TASOR2: variants seen among roughly 807,000 people sequenced by gnomAD.
The protein encoded by TASOR2 is protein TASOR 2.
Under a neutral mutation model 199.5 loss-of-function variants are expected in TASOR2, and 84 were observed. The ratio of observed to expected loss-of-function variants is 0.42; its 90% CI spans 0.35 to 0.50. The LOEUF is 0.50. Ranked by LOEUF, TASOR2 falls within the 20% of genes least tolerant of loss-of-function variation. The pLI is 0.02. For synonymous variants in TASOR2, 1,103 were observed against 1,046.6 expected (o/e 1.05, Z -1.04); for missense variants, 2,796 against 2,835.9 (o/e 0.99, Z 0.32).
At chr10:5,731,074 G>C in exon 11 of TASOR2, 1 of 1,614,042 alleles carries the variant, frequency 6.2e-7, no homozygotes, top group Non-Finnish European at 8.5e-7. Flanking sequence ...GCCCCACATG[G>C]TGCAGAGTAA....
intron 1 of TASOR2, chr10:5,709,646 G>A (rs772803519): frequency 8.1e-7 from 1 of 1,230,806 alleles, no homozygotes; most frequent in African/African-American, 1.6e-5. Context: ...ATCGAGACAG[G>A]GTCCCTATCA....
rs1835453443 is a variant in TASOR2, at chr10:5,735,565, ATAAATT to A, written c.1447+24_1447+29del. 1 of 1,609,824 alleles carries A rather than the reference ATAAATT, an allele frequency of 6.2e-7. No homozygotes were observed. Among genetic ancestry groups the A allele is most frequent in the African/African-American group, 1.3e-5 (1 of 74,516 alleles). Reference sequence around the variant, plus strand: ...CAACCTGGTAAGAAATACTCTTCCTATAAATTTAAACACCCCAATACAGATCTAACA... The same window carrying A: ...CAACCTGGTAAGAAATACTCTTCCTATAAACACCCCAATACAGATCTAACA... On this transcript the variant is annotated intron_variant, in intron 12 of 20. Transcript: ENST00000328090.
intron 10 of TASOR2, among the ~76,000 whole-genome samples, chr10:5,728,389 G>A (rs1382631020): frequency 2.0e-5 from 3 of 152,086 alleles, no homozygotes. Flanking sequence ...TGTAATCCCA[G>A]CACTTTGGGA....
chr10:5,701,422 G>C lies in TASOR2; in HGVS notation c.-287-11401G>C, dbSNP rs1837829983. 6.6e-6 allele frequency among the ~76,000 whole-genome samples: 1 copy of C among 152,122 alleles called. No homozygotes were observed. Among genetic ancestry groups the C allele is most frequent in the Non-Finnish European group, 1.5e-5 (1 of 68,000 alleles). On this transcript the variant is annotated intron_variant, in intron 1 of 20. Coordinates refer to ENST00000328090, the Ensembl canonical transcript of TASOR2. This position sits in a 1 kb window ranked among gnomAD's most constrained non-coding sequence, Gnocchi z 4.9. ...CCTCCAGCTTTGTTGTTTTTGCTTA[G>C]TATTGGTTTGGCTATTCAGGATCTT...
Position 5,687,762 on chromosome 10 carries a change from G to C in TASOR2, c.-288+2587G>C, listed in dbSNP as rs1332965396. On this transcript the variant is annotated intron_variant, in intron 1 of 20. Transcript: ENST00000328090. This position sits in a 1 kb window ranked among gnomAD's most constrained non-coding sequence, Gnocchi z 4.8. ...TTGAACCTGGGAGACAGGTTGCAGT[G>C]AGCCAAGGTTGTGTCACTCTACGGC... 6.6e-6 allele frequency among the ~76,000 whole-genome samples: 1 copy of C among 152,262 alleles called. No individual in the cohort carries two copies. The highest frequency in any genetic ancestry group is 1.5e-5 in the Non-Finnish European group (1 of 68,044).
In TASOR2 at chr10:5,747,197, TTATC is replaced by T; in HGVS notation, c.3777_3780del (p.Phe1259LeufsTer8). ...AATTTGGAAGCGTTTGATTCAGTAT[TTATC>T]AAACAAACAAGCCTGTCTGTGAGTA... On this transcript the variant is annotated frameshift_variant, in exon 15 of 21. Transcript: ENST00000328090. LOFTEE classifies it high-confidence loss of function. The T allele has an allele frequency of 6.2e-7, 1 of 1,614,048 alleles. No individual in the cohort carries two copies. Among genetic ancestry groups the T allele is most frequent in the Non-Finnish European group, 8.5e-7 (1 of 1,180,024 alleles).
At chr10:5,727,644 A>T (rs1451266702) in intron 10 of TASOR2, among the ~76,000 whole-genome samples, 1 of 152,126 alleles carries the variant, frequency 6.6e-6, no homozygotes, top group Non-Finnish European at 1.5e-5. Context: ...TGGGGGAAAA[A>T]TGACTCTAAG....
At chr10:5,753,098 C>T (rs1838306372) in intron 15 of TASOR2, among the ~76,000 whole-genome samples, 1 of 151,866 alleles carries the variant, frequency 6.6e-6, no homozygotes, top group South Asian at 2.1e-4. Flanking sequence ...TGTAAAAGAT[C>T]CTTTAAGAAA....
rs182453493 is a variant in TASOR2 at position 5,722,276 on chromosome 10, G to A, written c.146+1306G>A. On this transcript the variant is annotated intron_variant, in intron 6 of 20. Transcript: ENST00000328090. This position sits in a 1 kb window ranked among gnomAD's most constrained non-coding sequence, Gnocchi z 4.0. ...TTGAGACCAACCTGGGCAACATGGCGAAACCCTCTCCCTAATAAAAATACA... is the reference window on the plus strand; with the variant it reads ...TTGAGACCAACCTGGGCAACATGGCAAAACCCTCTCCCTAATAAAAATACA... 1.7e-3 allele frequency among the ~76,000 whole-genome samples: 254 copies of A among 152,132 alleles called. 6 individuals are homozygous for A. The highest frequency in any genetic ancestry group is 0.016 in the Admixed American group (251 of 15,284).
At chr10:5,728,770 T>C (rs1834394042) in intron 10 of TASOR2, among the ~76,000 whole-genome samples, 1 of 152,208 alleles carries the variant, frequency 6.6e-6, no homozygotes. Context: ...TGTCAGGTTT[T>C]GTGGTGGAAG....
Position 5,742,732 on chromosome 10 carries a change from GA to G in TASOR2, c.2757+213del, listed in dbSNP as rs541204853. On this transcript the variant is annotated intron_variant, in intron 14 of 20. Coordinates refer to ENST00000328090, the Ensembl canonical transcript of TASOR2. This position sits in a 1 kb window ranked among gnomAD's most constrained non-coding sequence, Gnocchi z 4.2. ...GTAGAGCTTACCTGCCATCCCGATTGAAAAAAACCAGAGTAGAAAAATGTCA... is the reference window on the plus strand; with the variant it reads ...GTAGAGCTTACCTGCCATCCCGATTGAAAAAACCAGAGTAGAAAAATGTCA... 4.4e-4 allele frequency among the ~76,000 whole-genome samples: 67 copies of G among 152,118 alleles called. 2 individuals are homozygous for G. The South Asian group carries it at 0.013, about 31-fold the overall frequency.
chr10:5,688,446 C>A (rs893160801), intron 1 of TASOR2, among the ~76,000 whole-genome samples: 3 of 137,868 alleles, frequency 2.2e-5, no homozygotes, highest in Non-Finnish European at 3.0e-5. Context: ...CTATGTTGCC[C>A]AAGCTAGTCT....
Position 5,712,813 on chromosome 10 carries a change from CTT to C in TASOR2, c.-287-8_-287-7del. 1 of 1,192,356 alleles carries C rather than the reference CTT, an allele frequency of 8.4e-7. No individual in the cohort carries two copies. Among genetic ancestry groups the C allele is most frequent in the Non-Finnish European group, 1.1e-6 (1 of 952,132 alleles). 73.9% of individuals were successfully genotyped at this position (1,192,356 alleles called of 1,614,324 possible). ...ATAGCGTTTGGTTATTCTGTTCTCT[CTT>C]TATACAGTACAAAACTTTTTACCAA... On this transcript the variant is annotated splice_region_variant and splice_polypyrimidine_tract_variant and intron_variant, in intron 1 of 20. Transcript: ENST00000328090.
At position 5,713,888 on chromosome 10, in the gene TASOR2, G is replaced by C. The variant is rs1832245738; in HGVS notation, c.-192+970G>C. On this transcript the variant is annotated intron_variant, in intron 2 of 20. Transcript: ENST00000328090. The stretch of plus-strand genomic sequence containing the variant: ...GTGCCCCGAATACCTACAGTGAGCA[G>C]ACTATTTATTTTAAAGCTTATGGAT... 2.9e-5 allele frequency: 8 copies of C among 277,788 alleles called. No individual in the cohort carries two copies. In the South Asian group the frequency reaches 1.0e-3, roughly 35 times the overall value. 17.2% of individuals were successfully genotyped at this position (277,788 alleles called of 1,614,324 possible).
chr10:5,696,368 A>G (rs1695927262), intron 1 of TASOR2, among the ~76,000 whole-genome samples: 1 of 152,074 alleles, frequency 6.6e-6, no homozygotes, highest in Non-Finnish European at 1.5e-5. Flanking sequence ...CTTTTATTTC[A>G]TTTTTTGAGA....
chr10:5,748,413 T>G lies in TASOR2; in HGVS notation c.4992T>G (p.Asn1664Lys). 1 of 1,614,236 alleles carries G rather than the reference T, an allele frequency of 6.2e-7. No homozygotes were observed. Among genetic ancestry groups the G allele is most frequent in the Non-Finnish European group, 8.5e-7 (1 of 1,180,052 alleles). The change falls in exon 15 of 21, where the codon AAT becomes AAG. Residue 1664 changes from asparagine to lysine, a missense_variant. Around this residue, in one of 3 missense-constraint regions of TASOR2, gnomAD observed 1,941 missense variants for 1,924.9 expected, o/e 1.01. Coordinates refer to ENST00000328090, the Ensembl canonical transcript of TASOR2. This position sits in a 1 kb window ranked among gnomAD's most constrained non-coding sequence, Gnocchi z 5.1. The stretch of plus-strand genomic sequence containing the variant: ...CCACGCTTTGTTCTTCCTCAGACAA[T>G]GCTACATTAACCCATTATGTAAGAC...
Position 5,689,397 on chromosome 10 carries a change from C to G in TASOR2, c.-288+4222C>G, listed in dbSNP as rs1836170913. The stretch of plus-strand genomic sequence containing the variant: ...TGGGCGGATCAAGAGGTCAGGAGTT[C>G]AAGACCAGCCTGACCAATATGGTGA... On this transcript the variant is annotated intron_variant, in intron 1 of 20. Coordinates refer to ENST00000328090, the Ensembl canonical transcript of TASOR2. This position sits in a 1 kb window ranked among gnomAD's most constrained non-coding sequence, Gnocchi z 4.1. 6.6e-6 allele frequency among the ~76,000 whole-genome samples: 1 copy of G among 152,142 alleles called. No individual in the cohort carries two copies. Among genetic ancestry groups the G allele is most frequent in the East Asian group, 1.9e-4 (1 of 5,194 alleles).
intron 11 of TASOR2, among the ~76,000 whole-genome samples, chr10:5,732,658 A>G (rs542840682): frequency 2.6e-5 from 4 of 152,342 alleles, no homozygotes; most frequent in East Asian, 1.9e-4. Flanking sequence ...CCTGGGCTCA[A>G]GTGATCTTCC....
chr10:5,694,158 A>G (rs771090325), intron 1 of TASOR2, among the ~76,000 whole-genome samples: 10 of 152,174 alleles, frequency 6.6e-5, no homozygotes, highest in Non-Finnish European at 1.2e-4. Context: ...GGAAAAAGCT[A>G]TAAAAAGAAA....
Sources: gnomAD v4.1 joint callset for allele counts (sites outside exome capture counted in the v4.1 genomes callset) on GRCh38, gnomAD v4.1.1 for gene constraint, gnomAD v4.1.1 regional missense constraint, Gnocchi (gnomAD v3.1) non-coding constraint, MANE v1.5 for transcripts, NCBI Gene and HGNC (gene_info 2026-07-23, HGNC 2026-07-21) for gene names.